The following NEK10 variants were observed in gnomAD, a reference collection of about 807,000 sequenced individuals.
The protein encoded by NEK10 is NIMA related kinase 10, also known as serine/threonine-protein kinase Nek10.
A neutral mutation model predicts 159.8 loss-of-function variants in NEK10; 122 were observed. The observed-to-expected ratio is 0.76, with a 90% CI of 0.66 to 0.89. NEK10 has a LOEUF of 0.89. Among genes scored for constraint, NEK10 ranks in the 40% least tolerant of loss-of-function variants. The probability of loss-of-function intolerance (pLI) is 0.00; values close to 1 mark genes in which losing one functional copy is unlikely to be tolerated. For synonymous variants in NEK10, 466 were observed against 457.1 expected (o/e 1.02, Z -0.25); for missense variants, 1,342 against 1,323.1 (o/e 1.01, Z -0.22).
chr3:27,271,181 ATC>A (rs2041324296), intron 22 of NEK10, among the ~76,000 whole-genome samples: 1 of 151,270 alleles, frequency 6.6e-6, no homozygotes, highest in African/African-American at 2.4e-5. Context: ...CTATCTATCT[ATC>A]TATCTATCTA....
At chr3:27,181,923 G>C (rs530029426) in intron 26 of NEK10, among the ~76,000 whole-genome samples, 2 of 151,964 alleles carry the variant, frequency 1.3e-5, no homozygotes, top group Non-Finnish European at 2.9e-5. Context: ...AAAAATTGTA[G>C]GTATGATTTT....
At chr3:27,131,844 G>C (rs971267528) in intron 32 of NEK10, 36 bp downstream of exon 32, 3 of 1,193,566 alleles carry the variant, frequency 2.5e-6, no homozygotes, top group Non-Finnish European at 3.7e-6. Context: ...ATGTGGTTTT[G>C]TCAGCAAAAG....
At chr3:27,114,888 G>A (rs896789966) in intron 35 of NEK10, among the ~76,000 whole-genome samples, 1 of 152,128 alleles carries the variant, frequency 6.6e-6, no homozygotes, top group African/African-American at 2.4e-5. Flanking sequence ...CCTTAGGTAA[G>A]TCAACAGACA....
intron 23 of NEK10, among the ~76,000 whole-genome samples, chr3:27,247,416 A>G (rs1241484210): frequency 2.0e-5 from 3 of 152,204 alleles, no homozygotes; most frequent in Non-Finnish European, 4.4e-5. Flanking sequence ...TGTTGATACA[A>G]TGTATCACAT....
At chr3:27,229,099 A>G (rs568344446) in intron 23 of NEK10, among the ~76,000 whole-genome samples, 1 of 152,292 alleles carries the variant, frequency 6.6e-6, no homozygotes, top group African/African-American at 2.4e-5. Context: ...AAATAAATAA[A>G]TAAAGTTTGC....
At chr3:27,269,536 T>A (rs2041171093) in intron 22 of NEK10, among the ~76,000 whole-genome samples, 1 of 152,196 alleles carries the variant, frequency 6.6e-6, no homozygotes, top group South Asian at 2.1e-4. Flanking sequence ...CGAATTATGT[T>A]TTAATTGAGG....
At chr3:27,168,160 G>A (rs1007985933) in intron 29 of NEK10, among the ~76,000 whole-genome samples, 4 of 151,722 alleles carry the variant, frequency 2.6e-5, no homozygotes, top group African/African-American at 7.3e-5. Flanking sequence ...TTCTCTCATT[G>A]GGCCTTTTTA....
rs1296306988 is a variant in NEK10 at position 27,192,214 on chromosome 3, G to A, written c.2320C>T (p.Pro774Ser). 5 of 1,613,894 alleles carry A rather than the reference G, an allele frequency of 3.1e-6. No individual in the cohort carries two copies. Among genetic ancestry groups the A allele is most frequent in the Non-Finnish European group, 4.2e-6 (5 of 1,179,956 alleles). Reference protein sequence around the residue: ...RCLTPDAEARPDIVEVSSMIS... With the variant: ...RCLTPDAEARSDIVEVSSMIS... ...ATCGAACTGACTTCTACAATATCTG[G>A]ACGAGCTTCCGCATCAGGAGTGAGG... Residue 774 changes from proline (P) to serine (S), a missense_variant, in exon 26 of 36, where the codon CCA becomes TCA. Physicochemically the swap from Pro to Ser is moderately conservative, Grantham distance 74. Transcript: ENST00000691995.
At chr3:27,300,297 C>T (rs1346021170) in intron 13 of NEK10, among the ~76,000 whole-genome samples, 4 of 152,002 alleles carry the variant, frequency 2.6e-5, no homozygotes, top group African/African-American at 9.7e-5. Context: ...ATTGAAAGTG[C>T]ATGGAGTTTC....
At chr3:27,294,654 C>T (rs1035724673) in intron 15 of NEK10, among the ~76,000 whole-genome samples, 1 of 152,104 alleles carries the variant, frequency 6.6e-6, no homozygotes, top group Admixed American at 6.6e-5. Flanking sequence ...CCCCTGCCTG[C>T]CAGCACAGAG....
chr3:27,146,444 G>A (rs561799716), intron 30 of NEK10, among the ~76,000 whole-genome samples: 2 of 152,284 alleles, frequency 1.3e-5, no homozygotes, highest in South Asian at 4.1e-4. Flanking sequence ...AAAGGGTTAA[G>A]GAAGGAAATC....
intron 26 of NEK10, among the ~76,000 whole-genome samples, chr3:27,187,201 TAGA>T (rs1478315277): frequency 6.6e-6 from 1 of 152,130 alleles, no homozygotes; most frequent in Admixed American, 6.6e-5. Flanking sequence ...CAGGGGCCAA[TAGA>T]AGAAGTCCAG....
chr3:27,160,676 TG>T (rs1241828615), intron 30 of NEK10, among the ~76,000 whole-genome samples: 1 of 152,026 alleles, frequency 6.6e-6, no homozygotes, highest in Non-Finnish European at 1.5e-5. Context: ...GAGGCCGAGG[TG>T]GGCAGATCAC....
intron 23 of NEK10, chr3:27,255,080 A>G (rs1441584955): frequency 6.2e-6 from 1 of 160,530 alleles, no homozygotes. Context: ...TTGACAATCA[A>G]ATCTGTTCAG....
At chr3:27,320,101 A>T (rs966081674) in intron 6 of NEK10, among the ~76,000 whole-genome samples, 1 of 152,216 alleles carries the variant, frequency 6.6e-6, no homozygotes, top group Non-Finnish European at 1.5e-5. Context: ...GTGTGGAAAG[A>T]GTGCCAGGGA....
At chr3:27,124,046 C>T (rs2125467379) in intron 32 of NEK10, among the ~76,000 whole-genome samples, 2 of 151,900 alleles carry the variant, frequency 1.3e-5, no homozygotes, top group Non-Finnish European at 2.9e-5. Flanking sequence ...GTGACATGAT[C>T]TGTTTTGAAA....
At chr3:27,257,450 C>T (rs1956319442) in intron 22 of NEK10, among the ~76,000 whole-genome samples, 1 of 152,170 alleles carries the variant, frequency 6.6e-6, no homozygotes, top group Admixed American at 6.5e-5. Flanking sequence ...GAACAAACTT[C>T]AATGCAGTAT....
intron 26 of NEK10, among the ~76,000 whole-genome samples, chr3:27,187,540 T>C (rs1948734153): frequency 6.6e-6 from 1 of 151,786 alleles, no homozygotes. Context: ...ACCTTTAAAG[T>C]TAAAAGGCCA....
At position 27,287,717 on chromosome 3, in the gene NEK10, A is replaced by G; in HGVS notation, c.1770T>C (p.Tyr590=). ...EQLYHPNIVR[Y]YKTFLENDRL... is the part of the protein sequence containing the mutation. The stretch of plus-strand genomic sequence containing the variant: ...ACTTACTTTCCAGAAATGTTTTGTA[A>G]TAACGTACAATGTTGGGATGATAAA... The change falls in exon 20 of 36, where the codon TAT becomes TAC. Residue 590 remains tyrosine, a synonymous_variant. Coordinates refer to ENST00000691995, the MANE Select transcript of NEK10 (RefSeq NM_001394966.1). The G allele has an allele frequency of 6.4e-7, 1 of 1,566,176 alleles. No individual in the cohort carries two copies. Among genetic ancestry groups the G allele is most frequent in the Non-Finnish European group, 8.6e-7 (1 of 1,161,744 alleles).
Sources: allele counts gnomAD v4.1 joint callset (sites outside exome capture counted in the v4.1 genomes callset), GRCh38; gene constraint gnomAD v4.1.1; transcripts MANE v1.5; gene names NCBI Gene and HGNC (gene_info 2026-07-23, HGNC 2026-07-21).